Variants in ANP32B observed in about 807,000 individuals in gnomAD.
ANP32B encodes acidic nuclear phosphoprotein 32 family member B.
A neutral mutation model predicts 32.2 loss-of-function variants in ANP32B; 6 were observed. The ratio of observed to expected loss-of-function variants is 0.19; its 90% CI spans 0.10 to 0.37. The LOEUF is 0.37. ANP32B is among the 10% of genes least tolerant of loss of function. The pLI, the probability that ANP32B is intolerant of heterozygous loss-of-function variation, is 1.00. For missense variants in ANP32B, 204 were observed against 289.2 expected, an observed-to-expected ratio of 0.71 and a Z score of 2.14; for synonymous variants, 98 against 105.8, an observed-to-expected ratio of 0.93 and a Z score of 0.45.
chr9:97,994,047 A>G (rs757163618), intron 1 of ANP32B, among the ~76,000 whole-genome samples: 5 of 152,226 alleles, frequency 3.3e-5, no homozygotes, highest in South Asian at 2.1e-4. Context: ...CTCAAGTGCA[A>G]TCCAGATTGA....
intron 2 of ANP32B, among the ~76,000 whole-genome samples, 157 bp from the exon 3 acceptor site, chr9:97,998,399 G>C (rs1239325331): frequency 6.6e-6 from 1 of 152,144 alleles, no homozygotes; most frequent in Non-Finnish European, 1.5e-5. Context: ...TTAATTATTT[G>C]GATTTAAACA....
intron 6 of ANP32B, 27 bp from the exon 7 acceptor site, chr9:98,015,337 C>A: frequency 6.5e-7 from 1 of 1,549,592 alleles, no homozygotes; most frequent in South Asian, 1.2e-5. Context: ...TTCCACTGTC[C>A]TAAAGTCAAT....
intron 6 of ANP32B, 50 bp from the exon 7 acceptor site, chr9:98,015,314 A>G: frequency 3.2e-6 from 5 of 1,544,010 alleles, no homozygotes; most frequent in Non-Finnish European, 4.4e-6. Context: ...GCAATAATCT[A>G]AGCAAAATGC....
chr9:97,999,383 T>G (rs956535221), intron 3 of ANP32B, among the ~76,000 whole-genome samples: 2 of 152,230 alleles, frequency 1.3e-5, no homozygotes, highest in African/African-American at 4.8e-5. Context: ...TTATGTTGTG[T>G]GGCATACCTG....
intron 3 of ANP32B, among the ~76,000 whole-genome samples, chr9:98,000,449 A>G (rs1827971289): frequency 6.6e-6 from 1 of 152,048 alleles, no homozygotes; most frequent in South Asian, 2.1e-4. Context: ...ACCAACCCCC[A>G]TTTCCAGTAT....
intron 1 of ANP32B, chr9:97,987,776 A>G (rs1827761710): frequency 1.3e-5 from 2 of 152,224 alleles, no homozygotes; most frequent in Non-Finnish European, 2.9e-5. Context: ...ATTTACTGAG[A>G]AAAAATGTAG....
At chr9:97,986,011 G>A (rs1827725701) in intron 1 of ANP32B, among the ~76,000 whole-genome samples, 1 of 152,064 alleles carries the variant, frequency 6.6e-6, no homozygotes, top group South Asian at 2.1e-4. Flanking sequence ...AGTAGAGGCG[G>A]GGTTTCTCCC....
intron 1 of ANP32B, chr9:97,984,792 C>T (rs1045368131): frequency 6.6e-6 from 1 of 150,384 alleles, no homozygotes; most frequent in Admixed American, 6.6e-5. Context: ...GCTGCCGACC[C>T]CCTCCCCCTT....
chr9:98,004,954 T>C lies in ANP32B; in HGVS notation c.328-10T>C, dbSNP rs1293204628. On this transcript the variant is annotated splice_polypyrimidine_tract_variant and intron_variant, in intron 3 of 6. Coordinates refer to ENST00000339399, the MANE Select transcript of ANP32B (RefSeq NM_006401.3). The stretch of plus-strand genomic sequence containing the variant: ...GTTTAGGAGTTGTGGTTTTTGATCC[T>C]TTTCTTCAGAAAAAGTTAGAATGTC... 6.3e-7 allele frequency: 1 copy of C among 1,597,716 alleles called. No homozygotes were observed. Among genetic ancestry groups the C allele is most frequent in the East Asian group, 2.2e-5 (1 of 44,646 alleles).
At chr9:98,004,045 T>C (rs1032101773) in intron 3 of ANP32B, among the ~76,000 whole-genome samples, 2 of 152,184 alleles carry the variant, frequency 1.3e-5, no homozygotes, top group Non-Finnish European at 2.9e-5. Context: ...ATCTCTTAAT[T>C]TACCCTTAAT....
intron 2 of ANP32B, among the ~76,000 whole-genome samples, chr9:97,996,539 A>C (rs1827908614): frequency 6.6e-6 from 1 of 152,144 alleles, no homozygotes; most frequent in Admixed American, 6.5e-5. Flanking sequence ...GGTTGAGTGT[A>C]CTCATGATTG....
chr9:97,988,298 A>G (rs527348062), intron 1 of ANP32B, among the ~76,000 whole-genome samples: 1 of 151,610 alleles, frequency 6.6e-6, no homozygotes, highest in East Asian at 1.9e-4. Context: ...TTATAATGTG[A>G]TTTTTTTTTC....
Position 97,987,963 on chromosome 9 carries a change from A to G in ANP32B, c.54+4354A>G, listed in dbSNP as rs369066660. Among the ~76,000 whole-genome samples the G allele has an allele frequency of 9.2e-5, 14 of 152,294 alleles. No homozygotes were observed. The East Asian group carries it at 2.3e-3, about 25-fold the overall frequency. ...AATACATCTTCGTTTAAGAAAAATT[A>G]GATATAGATAGGCCAAAAAATTGTA... On this transcript the variant is annotated intron_variant, in intron 1 of 6. Coordinates refer to ENST00000339399, the MANE Select transcript of ANP32B (RefSeq NM_006401.3).
At chr9:98,000,977 CTCT>C (rs149553114) in intron 3 of ANP32B, among the ~76,000 whole-genome samples, 304 of 151,798 alleles carry the variant, frequency 2.0e-3, no homozygotes, top group African/African-American at 6.8e-3. Flanking sequence ...CCCTTGGGAC[CTCT>C]TCTTCTCTTT....
intron 2 of ANP32B, among the ~76,000 whole-genome samples, chr9:97,995,957 A>T (rs974482695): frequency 6.6e-6 from 1 of 151,376 alleles, no homozygotes; most frequent in African/African-American, 2.4e-5. Flanking sequence ...AAAAAGTATA[A>T]TACATGAATT....
intron 4 of ANP32B, among the ~76,000 whole-genome samples, chr9:98,005,818 T>C (rs1828072895): frequency 6.6e-6 from 1 of 152,200 alleles, no homozygotes; most frequent in Admixed American, 6.5e-5. Context: ...TCTGCTGTTC[T>C]TAAGTCTTCC....
At chr9:97,994,081 T>G (rs994601508) in intron 1 of ANP32B, among the ~76,000 whole-genome samples, 1 of 152,242 alleles carries the variant, frequency 6.6e-6, no homozygotes, top group Non-Finnish European at 1.5e-5. Flanking sequence ...TTAAGGACTC[T>G]TGCATCCTGA....
chr9:98,001,496 C>G (rs994464700), intron 3 of ANP32B, among the ~76,000 whole-genome samples: 1 of 152,158 alleles, frequency 6.6e-6, no homozygotes, highest in African/African-American at 2.4e-5. Context: ...CTGGCCTTCT[C>G]TTTTAATTTT....
At chr9:97,995,701 A>G (rs2131584445) in intron 2 of ANP32B, among the ~76,000 whole-genome samples, 1 of 152,232 alleles carries the variant, frequency 6.6e-6, no homozygotes, top group East Asian at 1.9e-4. Flanking sequence ...TGGGAGGATC[A>G]CGTGAGGTCA....
Sources: gnomAD v4.1 joint callset for allele counts (sites outside exome capture counted in the v4.1 genomes callset) on GRCh38, gnomAD v4.1.1 for gene constraint, MANE v1.5 for transcripts, NCBI Gene and HGNC (gene_info 2026-07-23, HGNC 2026-07-21) for gene names.